Variants in CNNM1 observed in about 807,000 individuals in gnomAD.
CNNM1 encodes cyclin and CBS domain divalent metal cation transport mediator 1.
CNNM1 carries 44 observed loss-of-function variants against 78.8 expected under a neutral mutation model. That is an observed-to-expected ratio of 0.56 (90% CI 0.44 to 0.72). The LOEUF is 0.72. CNNM1 is among the 30% of genes least tolerant of loss of function. The pLI, the probability that CNNM1 is intolerant of heterozygous loss-of-function variation, is 0.00. For missense variants in CNNM1, 1,101 were observed against 1,292.2 expected (o/e 0.85, Z 2.27); for synonymous variants, 584 against 581.5 (o/e 1.00, Z -0.06).
At position 99,360,674 on chromosome 10, in the gene CNNM1, C is replaced by G. The variant is rs1237036225; in HGVS notation, c.1718-161C>G. 2.0e-5 allele frequency among the ~76,000 whole-genome samples: 3 copies of G among 152,154 alleles called. No individual in the cohort carries two copies. In the East Asian group the frequency reaches 5.8e-4, roughly 29 times the overall value. On this transcript the variant is annotated intron_variant, in intron 2 of 10. Transcript: ENST00000356713. ...TGAAATGATGGCAGTCTCCCATTGT[C>G]TATCCCTCACCAACATCCTTCTACT... is the stretch of plus-strand genomic sequence containing the variant.
At chr10:99,385,035 A>G (rs1443208923) in intron 7 of CNNM1, among the ~76,000 whole-genome samples, 1 of 151,434 alleles carries the variant, frequency 6.6e-6, no homozygotes, top group African/African-American at 2.4e-5. Context: ...TGGGCAAGAC[A>G]GAGCGAGACT....
intron 7 of CNNM1, among the ~76,000 whole-genome samples, chr10:99,379,624 C>T (rs4919306): frequency 0.9 from 134,897 of 150,496 alleles, 60,642 homozygotes; most frequent in African/African-American, 0.94. Flanking sequence ...TTGGATTCTA[C>T]TTTAAGTGTG....
chr10:99,376,915 C>T, intron 6 of CNNM1, 140 bp from the exon 7 acceptor site: 1 of 781,434 alleles, frequency 1.3e-6, no homozygotes, highest in Non-Finnish European at 2.1e-6. Flanking sequence ...CACCACCACC[C>T]AGTGTTACCA....
At chr10:99,385,893 CCAAA>C (rs2134081258) in intron 7 of CNNM1, among the ~76,000 whole-genome samples, 1 of 152,238 alleles carries the variant, frequency 6.6e-6, no homozygotes, top group South Asian at 2.1e-4. Context: ...ACTAAAGAAC[CCAAA>C]CAGAGTAAGA....
At position 99,330,435 on chromosome 10, in the gene CNNM1, C is replaced by A; in HGVS notation, c.1048C>A (p.His350Asn). The A allele has an allele frequency of 6.3e-7, 1 of 1,591,746 alleles. No homozygotes were observed. The highest frequency in any genetic ancestry group is 8.5e-7 in the Non-Finnish European group (1 of 1,170,102). The stretch of plus-strand genomic sequence containing the variant: ...CTGCCCCTACTCAGTGTGTTCGCGG[C>A]ACGGGCTGGCCATCGCCTCGCACAG... The part of the protein sequence containing the change: ...EICPYSVCSR[H>N]GLAIASHSVC... The change falls in exon 1 of 11, where the codon CAC becomes AAC. Residue 350 changes from histidine (H) to asparagine (N), a missense_variant. This residue lies in a region of CNNM1 where 277 missense variants were observed against 423.2 expected (regional missense o/e 0.65). Coordinates refer to ENST00000356713, the MANE Select transcript of CNNM1 (RefSeq NM_020348.3).
chr10:99,356,568 G>GAAAGAAAAGA (rs1564947170), intron 1 of CNNM1, among the ~76,000 whole-genome samples: 22 of 112,672 alleles, frequency 2.0e-4, no homozygotes, highest in Admixed American at 3.4e-4. Context: ...CAGACAGAAA[G>GAAAGAAAAGA]AAAGAAAGAA....
chr10:99,344,432 C>T (rs2030596151), intron 1 of CNNM1, among the ~76,000 whole-genome samples: 1 of 152,090 alleles, frequency 6.6e-6, no homozygotes, highest in Admixed American at 6.6e-5. Flanking sequence ...AAAGAGACTC[C>T]ACCATTTGCC....
intron 1 of CNNM1, among the ~76,000 whole-genome samples, chr10:99,332,767 T>C (rs2029976425): frequency 6.6e-6 from 1 of 152,218 alleles, no homozygotes; most frequent in Non-Finnish European, 1.5e-5. Flanking sequence ...TGTGTTGGTA[T>C]GATGAGAAGG....
intron 6 of CNNM1, among the ~76,000 whole-genome samples, chr10:99,373,915 A>G (rs1166938403): frequency 1.3e-5 from 2 of 152,152 alleles, no homozygotes; most frequent in African/African-American, 4.8e-5. Context: ...TTCATTGTGT[A>G]TACACACATA....
intron 1 of CNNM1, among the ~76,000 whole-genome samples, chr10:99,340,861 G>A (rs992294452): frequency 1.5e-4 from 20 of 132,838 alleles, no homozygotes; most frequent in Middle Eastern, 3.7e-3. Context: ...CTCCTTCCCC[G>A]CTTCCTTCCT....
intron 2 of CNNM1, among the ~76,000 whole-genome samples, chr10:99,358,634 G>A (rs2031312303): frequency 6.6e-6 from 1 of 152,180 alleles, no homozygotes; most frequent in Non-Finnish European, 1.5e-5. Context: ...AGGTGGGCCA[G>A]GCCTTGGCAA....
chr10:99,380,356 T>A (rs1286171762), intron 7 of CNNM1, among the ~76,000 whole-genome samples: 1 of 152,084 alleles, frequency 6.6e-6, no homozygotes. Context: ...GTGAAGGAGA[T>A]TTTGAAGAGT....
At chr10:99,375,354 A>G (rs1172179067) in intron 6 of CNNM1, among the ~76,000 whole-genome samples, 4 of 152,152 alleles carry the variant, frequency 2.6e-5, no homozygotes, top group Non-Finnish European at 5.9e-5. Context: ...TTGAGTGGAG[A>G]CAGAGATAGG....
rs142421980 is a variant in CNNM1, at chr10:99,383,579, C to T, written c.2341-4241C>T. 5.3e-5 allele frequency among the ~76,000 whole-genome samples: 8 copies of T among 152,218 alleles called. No homozygotes were observed. The East Asian group carries it at 1.5e-3, about 29-fold the overall frequency. ...GAGCCACTATCTGGAATTTTTTAAG[C>T]ACTAATTGGCTGGAGAATGTACTTT... On this transcript the variant is annotated intron_variant, in intron 7 of 10. Transcript: ENST00000356713.
At chr10:99,352,765 C>G (rs73328316) in intron 1 of CNNM1, among the ~76,000 whole-genome samples, 2,487 of 150,728 alleles carry the variant, frequency 0.016, 58 homozygotes, top group African/African-American at 0.057. Flanking sequence ...AGTCTTTTAT[C>G]TAATGATTTG....
chr10:99,376,267 G>A (rs2031959302), intron 6 of CNNM1, among the ~76,000 whole-genome samples: 1 of 152,160 alleles, frequency 6.6e-6, no homozygotes, highest in Non-Finnish European at 1.5e-5. Context: ...AATCCTAAGG[G>A]ACCAGGGGTC....
intron 2 of CNNM1, among the ~76,000 whole-genome samples, chr10:99,358,540 G>A (rs1443718012): frequency 1.3e-5 from 2 of 152,142 alleles, no homozygotes; most frequent in East Asian, 3.9e-4. Flanking sequence ...CTGGCTCCTG[G>A]TAGAAAGAGC....
chr10:99,371,954 T>G (rs2031817068), intron 6 of CNNM1, among the ~76,000 whole-genome samples: 1 of 152,100 alleles, frequency 6.6e-6, no homozygotes, highest in African/African-American at 2.4e-5. Flanking sequence ...GTACAAAAGA[T>G]GTAGGCAGGC....
rs375891692 is a variant in CNNM1 at position 99,330,872 on chromosome 10, C to G, written c.1485C>G (p.Leu495=). The change falls in exon 1 of 11, where the codon CTC becomes CTG. Residue 495 remains leucine (L), a synonymous_variant. Transcript: ENST00000356713. ...TGGACCCCGACGACTGCACCCCGCTCCTCACTGTCACCCGCTTCTACAACC... is the reference window on the plus strand; with the variant it reads ...TGGACCCCGACGACTGCACCCCGCTGCTCACTGTCACCCGCTTCTACAACC... ...AFVDPDDCTP[L]LTVTRFYNRP... The G allele has an allele frequency of 2.5e-6, 4 of 1,614,062 alleles. No individual in the cohort carries two copies. Among genetic ancestry groups the G allele is most frequent in the African/African-American group, 2.7e-5 (2 of 74,922 alleles).
Sources: gnomAD v4.1 joint callset for allele counts (sites outside exome capture counted in the v4.1 genomes callset) on GRCh38, gnomAD v4.1.1 for gene constraint, gnomAD v4.1.1 regional missense constraint, MANE v1.5 for transcripts, NCBI Gene and HGNC (gene_info 2026-07-23, HGNC 2026-07-21) for gene names.